Variants in GRK3 observed in about 807,000 individuals in gnomAD.
GRK3 encodes the protein G protein-coupled receptor kinase 3.
In GRK3, 54 loss-of-function variants were observed where a neutral mutation model predicts 95.7. The observed-to-expected ratio is 0.56, with a 90% CI of 0.45 to 0.71. The LOEUF (loss-of-function observed/expected upper bound fraction) is 0.71, where lower values mean the gene tolerates loss of function less well. Ranked by LOEUF, GRK3 falls within the 30% of genes least tolerant of loss-of-function variation. GRK3 has a pLI of 0.00. For missense variants in GRK3, 649 were observed against 851.2 expected (o/e 0.76, Z 2.96); for synonymous variants, 281 against 290.8 (o/e 0.97, Z 0.34).
intron 2 of GRK3, among the ~76,000 whole-genome samples, chr22:25,642,561 G>A (rs866485435): frequency 1.3e-5 from 2 of 152,268 alleles, no homozygotes; most frequent in Admixed American, 6.5e-5. Context: ...GGTGAACTCT[G>A]GGCTTTTAGT....
intron 1 of GRK3, among the ~76,000 whole-genome samples, chr22:25,598,876 A>G (rs1307876128): frequency 5.9e-5 from 9 of 152,138 alleles, no homozygotes; most frequent in African/African-American, 2.2e-4. Context: ...ATAATGGAGC[A>G]GAATATGGAG....
At chr22:25,699,843 C>T (rs1041721198) in intron 13 of GRK3, among the ~76,000 whole-genome samples, 3 of 152,120 alleles carry the variant, frequency 2.0e-5, no homozygotes, top group African/African-American at 4.8e-5. Flanking sequence ...GGACTACAGG[C>T]GCCCGCCACC....
chr22:25,628,325 C>T (rs1306401772), intron 2 of GRK3, among the ~76,000 whole-genome samples: 3 of 152,122 alleles, frequency 2.0e-5, no homozygotes, highest in Non-Finnish European at 2.9e-5. Context: ...GTCCATATGA[C>T]GTTTAACTTA....
chr22:25,573,037 T>G (rs1276198709), intron 1 of GRK3, among the ~76,000 whole-genome samples: 2 of 152,244 alleles, frequency 1.3e-5, no homozygotes, highest in African/African-American at 4.8e-5. Flanking sequence ...TTCTGTGCAC[T>G]GGTCTCTTAT....
At chr22:25,633,042 C>G (rs1432822744) in intron 2 of GRK3, among the ~76,000 whole-genome samples, 1 of 151,962 alleles carries the variant, frequency 6.6e-6, no homozygotes, top group Non-Finnish European at 1.5e-5. Flanking sequence ...TCCCAAGTAG[C>G]TGGGATTACA....
intron 1 of GRK3, among the ~76,000 whole-genome samples, chr22:25,585,362 G>A (rs1932264888): frequency 6.6e-6 from 1 of 152,180 alleles, no homozygotes; most frequent in East Asian, 1.9e-4. Flanking sequence ...TTTTGAGGTG[G>A]GAAGGTTTCT....
intron 9 of GRK3, among the ~76,000 whole-genome samples, chr22:25,681,139 A>G (rs2085070719): frequency 6.6e-6 from 1 of 152,162 alleles, no homozygotes; most frequent in Non-Finnish European, 1.5e-5. Flanking sequence ...CAGTCATTTA[A>G]GTTCCTCAGA....
intron 10 of GRK3, among the ~76,000 whole-genome samples, chr22:25,685,617 G>C (rs1601525625): frequency 6.6e-6 from 1 of 152,172 alleles, no homozygotes; most frequent in Admixed American, 6.5e-5. Context: ...AGATAGAAAT[G>C]TATTTAAAAA....
At chr22:25,620,863 A>G (rs771916084) in intron 2 of GRK3, among the ~76,000 whole-genome samples, 17 of 152,230 alleles carry the variant, frequency 1.1e-4, no homozygotes, top group Non-Finnish European at 2.5e-4. Context: ...AAATATCAAT[A>G]CAAGACATAT....
Position 25,575,709 on chromosome 22 carries a change from A to G in GRK3, c.113+10556A>G, listed in dbSNP as rs951223934. ...ATATTAACTCTTTTTAGTTTTTACA[A>G]TTATGCTTGGTAGCAGGTAGAAATT... On this transcript the variant is annotated intron_variant, in intron 1 of 20. Transcript: ENST00000324198. Among the ~76,000 whole-genome samples the G allele has an allele frequency of 3.3e-5, 5 of 152,336 alleles. No homozygotes were observed. In the East Asian group the frequency reaches 5.8e-4, roughly 18 times the overall value.
At chr22:25,668,294 G>A (rs1177300837) in intron 6 of GRK3, among the ~76,000 whole-genome samples, 1 of 152,102 alleles carries the variant, frequency 6.6e-6, no homozygotes, top group Non-Finnish European at 1.5e-5. Context: ...TAGATCTACT[G>A]GTCAATTCTT....
chr22:25,572,627 T>C (rs961735842), intron 1 of GRK3, among the ~76,000 whole-genome samples: 1 of 152,234 alleles, frequency 6.6e-6, no homozygotes, highest in Non-Finnish European at 1.5e-5. Context: ...CTTTCTGTCT[T>C]TCATCTATCC....
At chr22:25,636,138 G>A (rs1267487195) in intron 2 of GRK3, among the ~76,000 whole-genome samples, 1 of 152,084 alleles carries the variant, frequency 6.6e-6, no homozygotes, top group Non-Finnish European at 1.5e-5. Context: ...AGCTCATGTT[G>A]TTATTTATTC....
chr22:25,646,197 T>A (rs937597817), intron 3 of GRK3, among the ~76,000 whole-genome samples: 1 of 151,972 alleles, frequency 6.6e-6, no homozygotes, highest in Non-Finnish European at 1.5e-5. Context: ...AGCAGGTGAG[T>A]CAGATATTGG....
At chr22:25,623,668 A>G (rs766758160) in intron 2 of GRK3, among the ~76,000 whole-genome samples, 7 of 152,172 alleles carry the variant, frequency 4.6e-5, no homozygotes, top group Admixed American at 2.0e-4. Flanking sequence ...GCACATGCAC[A>G]CCTGGTGTCC....
At chr22:25,666,415 T>C (rs774064996) in intron 5 of GRK3, among the ~76,000 whole-genome samples, 1 of 152,250 alleles carries the variant, frequency 6.6e-6, no homozygotes, top group Non-Finnish European at 1.5e-5. Context: ...GTGTGTTTCC[T>C]GGAATCAGGA....
At chr22:25,713,108 A>G (rs564637473) in intron 17 of GRK3, among the ~76,000 whole-genome samples, 2 of 152,246 alleles carry the variant, frequency 1.3e-5, no homozygotes, top group African/African-American at 4.8e-5. Flanking sequence ...GCGGTAGAAC[A>G]GTGTCTATTA....
intron 3 of GRK3, among the ~76,000 whole-genome samples, chr22:25,656,934 G>A (rs748804675): frequency 6.6e-5 from 10 of 152,210 alleles, no homozygotes; most frequent in Non-Finnish European, 1.3e-4. Flanking sequence ...TGGAAGCTTG[G>A]TGAGGGGGAG....
chr22:25,658,857 G>T (rs1421264205), intron 3 of GRK3, among the ~76,000 whole-genome samples: 1 of 152,092 alleles, frequency 6.6e-6, no homozygotes, highest in Non-Finnish European at 1.5e-5. Context: ...TTTTGATAAA[G>T]AAGACTGGGA....
Sources: allele counts gnomAD v4.1 joint callset (sites outside exome capture counted in the v4.1 genomes callset), GRCh38; gene constraint gnomAD v4.1.1; transcripts MANE v1.5; gene names NCBI Gene and HGNC (gene_info 2026-07-23, HGNC 2026-07-21).